Variants in FBXL19 observed in about 807,000 individuals in gnomAD.
FBXL19 encodes F-box and leucine rich repeat protein 19.
A neutral mutation model predicts 71.2 loss-of-function variants in FBXL19; 16 were observed. That is an observed-to-expected ratio of 0.22 (90% CI 0.15 to 0.34). FBXL19 has a LOEUF of 0.34. FBXL19 is among the 10% of genes least tolerant of loss of function. The pLI, the probability that FBXL19 is intolerant of heterozygous loss-of-function variation, is 1.00. For synonymous variants in FBXL19, 447 were observed against 409.4 expected (o/e 1.09, Z -1.11); for missense variants, 658 against 968.2 (o/e 0.68, Z 4.25).
intron 9 of FBXL19, among the ~76,000 whole-genome samples, chr16:30,943,024 C>T (rs1024580933): frequency 6.6e-6 from 1 of 152,228 alleles, no homozygotes; most frequent in South Asian, 2.1e-4. Context: ...GGGTCTCCAG[C>T]TCCCTGAGGG....
chr16:30,939,586 T>A (rs1321975724), intron 7 of FBXL19, among the ~76,000 whole-genome samples: 1 of 151,444 alleles, frequency 6.6e-6, no homozygotes, highest in African/African-American at 2.4e-5. Context: ...GCTAATTTTT[T>A]GTATTTTTTT....
intron 7 of FBXL19, among the ~76,000 whole-genome samples, chr16:30,936,764 G>A (rs2055741925): frequency 7.2e-6 from 1 of 139,596 alleles, no homozygotes; most frequent in South Asian, 2.3e-4. Context: ...TTTTTTTGAG[G>A]CAGAGTCTGA....
rs1355588377 is a variant in FBXL19, at chr16:30,947,865, C to T, written c.*635C>T. ...CTCCCCAGGCTTCAGTTCCTTCCCC[C>T]TGACCCTGACTCCTTGAACGTCACT... On this transcript the variant is annotated 3_prime_UTR_variant, in exon 11 of 11. Transcript: ENST00000338343. 1 of 454,270 alleles carries T rather than the reference C, an allele frequency of 2.2e-6. No individual in the cohort carries two copies. The highest frequency in any genetic ancestry group is 7.0e-5 in the East Asian group (1 of 14,260). The allele number at this position is 454,270 out of a possible 1,614,324, so 28.1% of individuals were successfully genotyped here.
Position 30,927,810 on chromosome 16 carries a change from C to A in FBXL19, c.474C>A (p.Ser158Arg). The A allele has an allele frequency of 6.4e-7, 1 of 1,550,582 alleles. No individual in the cohort carries two copies. Among genetic ancestry groups the A allele is most frequent in the Non-Finnish European group, 8.7e-7 (1 of 1,147,816 alleles). Residue 158 changes from serine to arginine, a missense_variant, in exon 5 of 11, where the codon AGC becomes AGA. Coordinates refer to ENST00000338343, the MANE Select transcript of FBXL19 (RefSeq NM_001382779.1). ...GCGAGGAGGGCGCCAGCTTGGGGAGCGGATGGAAGCTGACAGAGGAGCCAC... is the reference window on the plus strand; with the variant it reads ...GCGAGGAGGGCGCCAGCTTGGGGAGAGGATGGAAGCTGACAGAGGAGCCAC... ...DNGEEGASLG[S>R]GWKLTEEPPL...
At chr16:30,929,620 G>C (rs1256420964) in intron 6 of FBXL19, among the ~76,000 whole-genome samples, 1 of 152,130 alleles carries the variant, frequency 6.6e-6, no homozygotes, top group Non-Finnish European at 1.5e-5. Flanking sequence ...GTGCAGTGGC[G>C]TGATCTCGGC....
chr16:30,941,211 C>G (rs2055798946), intron 7 of FBXL19, among the ~76,000 whole-genome samples: 1 of 152,146 alleles, frequency 6.6e-6, no homozygotes. Context: ...TGCAGTAGCT[C>G]ATGCCTGTAA....
In FBXL19 at chr16:30,946,456, C is replaced by T. The variant is rs879665146; in HGVS notation, c.1628-274C>T. Reference sequence around the variant, plus strand: ...CTGACCTCAAGTGAGCCGCCTGCCTCGGCTTCCCAAAGTGCTAGGATTACA... The same window carrying T: ...CTGACCTCAAGTGAGCCGCCTGCCTTGGCTTCCCAAAGTGCTAGGATTACA... On this transcript the variant is annotated intron_variant, in intron 9 of 10. Coordinates refer to ENST00000338343, the MANE Select transcript of FBXL19 (RefSeq NM_001382779.1). The surrounding 1 kb of genome is among the most constrained non-coding windows in gnomAD (Gnocchi z 6.7). Among the ~76,000 whole-genome samples the T allele has an allele frequency of 3.3e-5, 5 of 152,202 alleles. No individual in the cohort carries two copies. The highest frequency in any genetic ancestry group is 7.3e-5 in the Non-Finnish European group (5 of 68,040).
chr16:30,933,887 G>C (rs1427741431), intron 7 of FBXL19, among the ~76,000 whole-genome samples: 1 of 151,916 alleles, frequency 6.6e-6, no homozygotes, highest in Non-Finnish European at 1.5e-5. Flanking sequence ...CGAGTAGCTG[G>C]GATTACAGAC....
intron 7 of FBXL19, among the ~76,000 whole-genome samples, chr16:30,933,704 G>T (rs2143342844): frequency 6.6e-6 from 1 of 151,692 alleles, no homozygotes; most frequent in Admixed American, 6.6e-5. Flanking sequence ...TTCCACCTTG[G>T]CCTCCTAAAG....
intron 7 of FBXL19, among the ~76,000 whole-genome samples, chr16:30,939,318 A>C (rs966428922): frequency 3.4e-5 from 5 of 149,166 alleles, no homozygotes; most frequent in African/African-American, 1.2e-4. Context: ...TGATCTGTCC[A>C]CCTTGGCCTC....
chr16:30,942,189 G>T lies in FBXL19; in HGVS notation c.1375G>T (p.Gly459Cys). 6.3e-7 allele frequency: 1 copy of T among 1,594,670 alleles called. No homozygotes were observed. Among genetic ancestry groups the T allele is most frequent in the East Asian group, 2.3e-5 (1 of 43,792 alleles). ...GTCACTGACCCCGCCCATGCTCAGT[G>T]GTGTGGTTCGCCGCCAGCCCCGTGC... ...RKSLTPPMLS[G>C]VVRRQPRALD... is the part of the protein sequence containing the mutation. Residue 459 changes from glycine (G) to cysteine (C), a missense_variant, in exon 8 of 11, where the codon GGT becomes TGT. Around this residue, in one of 8 missense-constraint regions of FBXL19, gnomAD observed 38 missense variants for 92.3 expected, o/e 0.41. Coordinates refer to ENST00000338343, the MANE Select transcript of FBXL19 (RefSeq NM_001382779.1). This position sits in a 1 kb window ranked among gnomAD's most constrained non-coding sequence, Gnocchi z 5.7.
In FBXL19 at chr16:30,946,681, G is replaced by C. The variant is rs374948126; in HGVS notation, c.1628-49G>C. ...GGGCAGATGGTCTGGATACCTGGGC[G>C]CAGGGATGGGAGTGGCCAGGAGTGC... On this transcript the variant is annotated intron_variant, in intron 9 of 10. Coordinates refer to ENST00000338343, the MANE Select transcript of FBXL19 (RefSeq NM_001382779.1). This position sits in a 1 kb window ranked among gnomAD's most constrained non-coding sequence, Gnocchi z 6.7. The C allele has an allele frequency of 6.5e-7, 1 of 1,541,334 alleles. No homozygotes were observed. Among genetic ancestry groups the C allele is most frequent in the South Asian group, 1.2e-5 (1 of 84,858 alleles).
Position 30,947,654 on chromosome 16 carries a change from C to A in FBXL19, c.*424C>A. On this transcript the variant is annotated 3_prime_UTR_variant, in exon 11 of 11. Coordinates refer to ENST00000338343, the MANE Select transcript of FBXL19 (RefSeq NM_001382779.1). ...AGCAGACCACCAAGGGTTCAGGGAA[C>A]AAAGACCAGTTACTTGGAGTGGGGG... The A allele has an allele frequency of 3.4e-6, 1 of 296,272 alleles. No homozygotes were observed. Among genetic ancestry groups the A allele is most frequent in the Non-Finnish European group, 6.3e-6 (1 of 159,494 alleles). 18.4% of individuals were successfully genotyped at this position (296,272 alleles called of 1,614,324 possible).
At chr16:30,934,550 C>T (rs899148850) in intron 7 of FBXL19, among the ~76,000 whole-genome samples, 1 of 150,916 alleles carries the variant, frequency 6.6e-6, no homozygotes, top group African/African-American at 2.4e-5. Flanking sequence ...TCCAGCTACT[C>T]GGGAGTCTGA....
chr16:30,929,696 C>A (rs1464953629), intron 6 of FBXL19, among the ~76,000 whole-genome samples: 1 of 152,174 alleles, frequency 6.6e-6, no homozygotes, highest in Non-Finnish European at 1.5e-5. Flanking sequence ...GCTGGGACTA[C>A]AGGCTTGTGC....
rs1245708783 is a variant in FBXL19, at chr16:30,942,758, T to C, written c.1627+222T>C. On this transcript the variant is annotated intron_variant, in intron 9 of 10. Transcript: ENST00000338343. This position sits in a 1 kb window ranked among gnomAD's most constrained non-coding sequence, Gnocchi z 5.7. ...AAAGGAACAGGGTTTTCCCAGGGAG[T>C]GTGAGACTCAGCAGTTTGGTGGGGC... 1.3e-5 allele frequency among the ~76,000 whole-genome samples: 2 copies of C among 152,054 alleles called. No homozygotes were observed.
Position 30,928,589 on chromosome 16 carries a change from C to T in FBXL19, c.750C>T (p.Phe250=), listed in dbSNP as rs759377390. 5 of 1,604,094 alleles carry T rather than the reference C, an allele frequency of 3.1e-6. No individual in the cohort carries two copies. The South Asian group carries it at 3.3e-5, about 11-fold the overall frequency. The change falls in exon 6 of 11, where the codon TTC becomes TTT. Residue 250 remains phenylalanine, a synonymous_variant. Coordinates refer to ENST00000338343, the MANE Select transcript of FBXL19 (RefSeq NM_001382779.1). Reference sequence around the variant, plus strand: ...GGGTTCTGAATCCGAGCCAGGCTTTCTCATCCTGCCACCCTGGGCTCCCTC... The same window carrying T: ...GGGTTCTGAATCCGAGCCAGGCTTTTTCATCCTGCCACCCTGGGCTCCCTC... ...PPRVLNPSQA[F]SSCHPGLPPE... is the part of the protein sequence containing the mutation.
At chr16:30,937,395 C>T (rs1039374264) in intron 7 of FBXL19, among the ~76,000 whole-genome samples, 5 of 152,034 alleles carry the variant, frequency 3.3e-5, no homozygotes, top group Admixed American at 2.6e-4. Context: ...CCCACCCAGT[C>T]CTTGAGGTGA....
chr16:30,947,008 C>T, intron 10 of FBXL19, 44 bp from the exon 11 acceptor site: 2 of 1,576,506 alleles, frequency 1.3e-6, no homozygotes, highest in Non-Finnish European at 8.6e-7. Context: ...AGTGCCAACC[C>T]CTTGCTCACC....
Sources: gnomAD v4.1 joint callset for allele counts (sites outside exome capture counted in the v4.1 genomes callset) on GRCh38, gnomAD v4.1.1 for gene constraint, gnomAD v4.1.1 regional missense constraint, Gnocchi (gnomAD v3.1) non-coding constraint, MANE v1.5 for transcripts, NCBI Gene and HGNC (gene_info 2026-07-23, HGNC 2026-07-21) for gene names.